Variants in APP observed in about 807,000 individuals in gnomAD.
APP encodes the protein amyloid beta precursor protein.
A neutral mutation model predicts 101.4 loss-of-function variants in APP; 31 were observed. The observed-to-expected ratio is 0.31, with a 90% CI of 0.23 to 0.41. APP has a LOEUF of 0.41. APP is among the 10% of genes least tolerant of loss of function. The probability of loss-of-function intolerance (pLI) is 1.00; values close to 1 mark genes in which losing one functional copy is unlikely to be tolerated. For missense variants in APP, 839 were observed against 1,003.7 expected (o/e 0.84, Z 2.22); for synonymous variants, 366 against 364.4 (o/e 1.00, Z -0.05).
At chr21:26,150,639 A>AGACAGACT (rs1383864619) in intron 1 of APP, among the ~76,000 whole-genome samples, 1 of 152,220 alleles carries the variant, frequency 6.6e-6, no homozygotes, top group Non-Finnish European at 1.5e-5. Flanking sequence ...ACAGACAGAC[A>AGACAGACT]GACAGATTGA....
At chr21:25,959,039 CT>C (rs10718700) in intron 11 of APP, among the ~76,000 whole-genome samples, 152,302 of 152,302 alleles carry the variant, frequency 1, 76,151 homozygotes, top group Non-Finnish European at 1. Flanking sequence ...GTCTCACTGT[CT>C]TGGCTCCAGA....
chr21:26,138,631 T>TAC (rs1162060365), intron 1 of APP, among the ~76,000 whole-genome samples: 2 of 151,940 alleles, frequency 1.3e-5, no homozygotes, highest in Non-Finnish European at 2.9e-5. Flanking sequence ...AGGTTAAGGC[T>TAC]ACAGTAAGCC....
chr21:25,881,646 T>A lies in APP; in HGVS notation c.*24A>T. On this transcript the variant is annotated 3_prime_UTR_variant, in exon 18 of 18. Coordinates refer to ENST00000346798, the MANE Select transcript of APP (RefSeq NM_000484.4). ...TGAAGCAATGGTTTTGCTGTCCAAC[T>A]TCAGAGGCTGCTGTGGCGGGGGTCT... The A allele has an allele frequency of 6.2e-7, 1 of 1,609,736 alleles. No individual in the cohort carries two copies. The highest frequency in any genetic ancestry group is 1.1e-5 in the South Asian group (1 of 90,960).
intron 1 of APP, among the ~76,000 whole-genome samples, chr21:26,142,462 T>A (rs1365178044): frequency 1.3e-5 from 2 of 152,190 alleles, no homozygotes; most frequent in Non-Finnish European, 2.9e-5. Flanking sequence ...TACTTCCCTA[T>A]TCAAAATTAA....
intron 5 of APP, among the ~76,000 whole-genome samples, chr21:26,034,129 A>C (rs980708216): frequency 6.6e-6 from 1 of 152,142 alleles, no homozygotes; most frequent in Non-Finnish European, 1.5e-5. Flanking sequence ...CAGATAATAG[A>C]CCAGATGCCC....
chr21:25,893,795 G>A (rs1016144239), intron 16 of APP, among the ~76,000 whole-genome samples: 1 of 152,222 alleles, frequency 6.6e-6, no homozygotes, highest in Non-Finnish European at 1.5e-5. Context: ...AGAAGATCTA[G>A]ATAAGACTCC....
intron 13 of APP, among the ~76,000 whole-genome samples, chr21:25,946,948 C>T (rs1390303890): frequency 1.3e-5 from 2 of 152,068 alleles, no homozygotes; most frequent in South Asian, 2.1e-4. Context: ...TGGTAGAGAG[C>T]GCAATATTTT....
intron 5 of APP, among the ~76,000 whole-genome samples, chr21:26,023,791 G>C (rs1398189240): frequency 6.6e-6 from 1 of 152,196 alleles, no homozygotes; most frequent in Non-Finnish European, 1.5e-5. Context: ...GGCCTTGGTG[G>C]GGCCTGAGAA....
intron 13 of APP, among the ~76,000 whole-genome samples, chr21:25,947,256 C>T (rs1326648201): frequency 3.9e-5 from 6 of 152,152 alleles, no homozygotes; most frequent in African/African-American, 1.4e-4. Context: ...CCTAATATCA[C>T]AACCAAAAAA....
intron 9 of APP, among the ~76,000 whole-genome samples, chr21:25,978,591 G>C (rs1375341933): frequency 2.0e-5 from 3 of 152,140 alleles, no homozygotes; most frequent in Non-Finnish European, 4.4e-5. Context: ...TTCATTAGGT[G>C]AGCTAAGTTT....
At chr21:26,008,020 C>T (rs1412983445) in intron 6 of APP, among the ~76,000 whole-genome samples, 1 of 152,066 alleles carries the variant, frequency 6.6e-6, no homozygotes, top group Non-Finnish European at 1.5e-5. Context: ...AAAGATGATG[C>T]AAACAGCTGT....
intron 5 of APP, among the ~76,000 whole-genome samples, chr21:26,049,362 T>C (rs1375922375): frequency 1.3e-5 from 2 of 152,178 alleles, no homozygotes; most frequent in African/African-American, 4.8e-5. Flanking sequence ...ACCTACCAAA[T>C]GTCAGGTACC....
chr21:25,959,054 TC>T (rs10718701), intron 11 of APP, among the ~76,000 whole-genome samples: 152,334 of 152,334 alleles, frequency 1, 76,167 homozygotes, highest in Non-Finnish European at 1. Context: ...CTCCAGAGCC[TC>T]CTTCTCCTAA....
At chr21:26,126,252 A>G (rs531673137) in intron 1 of APP, among the ~76,000 whole-genome samples, 1 of 152,338 alleles carries the variant, frequency 6.6e-6, no homozygotes, top group East Asian at 1.9e-4. Flanking sequence ...GTAATTCTAG[A>G]TAATAAGAAT....
intron 2 of APP, among the ~76,000 whole-genome samples, chr21:26,107,525 T>C (rs957922633): frequency 6.6e-6 from 1 of 152,226 alleles, no homozygotes; most frequent in Non-Finnish European, 1.5e-5. Flanking sequence ...GAAATTTACA[T>C]GGCTTGCCTT....
chr21:26,014,783 A>G (rs2043979871), intron 6 of APP, among the ~76,000 whole-genome samples: 1 of 152,230 alleles, frequency 6.6e-6, no homozygotes, highest in Non-Finnish European at 1.5e-5. Flanking sequence ...AAGAAAAATA[A>G]TTTAATTCTG....
In APP at chr21:26,037,235, A is replaced by T. The variant is rs138990119; in HGVS notation, c.662+13765T>A. ...TGGGAAGGGTAGGTAGAAACTGAGG[A>T]TAGAGAAAGATTTGTTAAAGGATAC... On this transcript the variant is annotated intron_variant, in intron 5 of 17. Transcript: ENST00000346798. Among the ~76,000 whole-genome samples the T allele has an allele frequency of 3.8e-4, 58 of 152,288 alleles. 1 individual carries two copies. The highest frequency in any genetic ancestry group is 7.2e-4 in the Non-Finnish European group (49 of 68,026).
intron 13 of APP, among the ~76,000 whole-genome samples, chr21:25,918,344 A>T (rs2039455277): frequency 6.6e-6 from 1 of 152,248 alleles, no homozygotes; most frequent in Non-Finnish European, 1.5e-5. Flanking sequence ...AATACTATGC[A>T]GCCATAAAAA....
chr21:25,959,031 C>T (rs1384597780), intron 11 of APP, among the ~76,000 whole-genome samples: 2 of 98 alleles, frequency 0.02, no homozygotes, highest in African/African-American at 0.12. Context: ...ATGGGTTAGT[C>T]TCACTGTCTT....
Sources: gnomAD v4.1 joint callset for allele counts (sites outside exome capture counted in the v4.1 genomes callset) on GRCh38, gnomAD v4.1.1 for gene constraint, MANE v1.5 for transcripts, NCBI Gene and HGNC (gene_info 2026-07-23, HGNC 2026-07-21) for gene names.